The following ABTB3 variants were observed in gnomAD, a reference collection of about 807,000 sequenced individuals.
ABTB3 encodes the protein ankyrin repeat and BTB domain containing 3.
the ABTB3 span, among the ~76,000 whole-genome samples, chr12:107,535,748 T>A: frequency 9.2e-5 from 14 of 152,058 alleles, no homozygotes; most frequent in Non-Finnish European, 1.8e-4. Context: ...AAAACACTGA[T>A]GAAAGAATTG....
chr12:107,600,260 C>T, the ABTB3 span, among the ~76,000 whole-genome samples: 15 of 152,298 alleles, frequency 9.8e-5, no homozygotes, highest in South Asian at 2.1e-4. Context: ...GCAACCGATA[C>T]GCAACCTCGA....
At chr12:107,602,171 A>G in the ABTB3 span, among the ~76,000 whole-genome samples, 1 of 152,176 alleles carries the variant, frequency 6.6e-6, no homozygotes, top group Non-Finnish European at 1.5e-5. Flanking sequence ...TATTCCAGAA[A>G]CTGCATTCAT....
the ABTB3 span, among the ~76,000 whole-genome samples, chr12:107,364,998 C>T: frequency 2.0e-5 from 3 of 152,122 alleles, no homozygotes; most frequent in Non-Finnish European, 4.4e-5. Context: ...ACTCTGTACA[C>T]AGTACATAGC....
chr12:107,371,454 A>T, the ABTB3 span, among the ~76,000 whole-genome samples: 1 of 152,152 alleles, frequency 6.6e-6, no homozygotes, highest in African/African-American at 2.4e-5. Flanking sequence ...AGGGGCACTC[A>T]GTCCAGATGC....
the ABTB3 span, among the ~76,000 whole-genome samples, chr12:107,353,755 A>G: frequency 1.4e-4 from 21 of 152,286 alleles, no homozygotes; most frequent in Non-Finnish European, 5.9e-5. Flanking sequence ...ATCAGCGGCA[A>G]CATTGGATTC....
chr12:107,556,251 C>T, the ABTB3 span, among the ~76,000 whole-genome samples: 3 of 152,086 alleles, frequency 2.0e-5, no homozygotes, highest in African/African-American at 7.2e-5. Context: ...TGCACCACCA[C>T]ACCTAGCTAA....
the ABTB3 span, among the ~76,000 whole-genome samples, chr12:107,403,617 T>G: frequency 6.6e-6 from 1 of 152,146 alleles, no homozygotes; most frequent in Non-Finnish European, 1.5e-5. Context: ...ACCTTATCCT[T>G]GACAAAAGCT....
At chr12:107,446,273 G>A in the ABTB3 span, among the ~76,000 whole-genome samples, 6 of 152,138 alleles carry the variant, frequency 3.9e-5, no homozygotes, top group Admixed American at 3.9e-4. Context: ...AGTCTGGGTA[G>A]AACAAGGCCA....
chr12:107,518,925 C>A, the ABTB3 span, among the ~76,000 whole-genome samples: 3 of 152,206 alleles, frequency 2.0e-5, no homozygotes, highest in Non-Finnish European at 2.9e-5. Flanking sequence ...GATTTTGCAG[C>A]TATGTGTGTA....
the ABTB3 span, among the ~76,000 whole-genome samples, chr12:107,522,836 GGAAAAGAGGCA>G: frequency 6.6e-6 from 1 of 151,332 alleles, no homozygotes; most frequent in Non-Finnish European, 1.5e-5. Context: ...AAGGAGGGAG[GGAAAAGAGGCA>G]GAAAGATGCA....
At chr12:107,567,690 C>T in the ABTB3 span, among the ~76,000 whole-genome samples, 1 of 152,294 alleles carries the variant, frequency 6.6e-6, no homozygotes, top group South Asian at 2.1e-4. Context: ...AACATTACTC[C>T]GCCTCCTGTC....
At chr12:107,491,292 C>A in the ABTB3 span, among the ~76,000 whole-genome samples, 1 of 152,204 alleles carries the variant, frequency 6.6e-6, no homozygotes, top group South Asian at 2.1e-4. Flanking sequence ...GTTCCCCAGG[C>A]CTGCTCACAC....
the ABTB3 span, among the ~76,000 whole-genome samples, chr12:107,560,996 G>C: frequency 6.6e-6 from 1 of 152,220 alleles, no homozygotes; most frequent in Non-Finnish European, 1.5e-5. Context: ...GAGGAATTCG[G>C]TCAAGAGTTA....
At chr12:107,553,630 C>T in the ABTB3 span, among the ~76,000 whole-genome samples, 1 of 152,062 alleles carries the variant, frequency 6.6e-6, no homozygotes, top group African/African-American at 2.4e-5. Flanking sequence ...AGGACGTTCT[C>T]CTGTAGGCAG....
chr12:107,598,990 A>T, the ABTB3 span, among the ~76,000 whole-genome samples: 2 of 152,146 alleles, frequency 1.3e-5, no homozygotes, highest in South Asian at 4.1e-4. Flanking sequence ...ATCCCCCTTG[A>T]CACCATCCTC....
chr12:107,497,858 T>G, the ABTB3 span, among the ~76,000 whole-genome samples: 2 of 152,276 alleles, frequency 1.3e-5, no homozygotes, highest in East Asian at 3.9e-4. Context: ...CTCTCTGACC[T>G]CACTGGGAAG....
chr12:107,614,332 C>T, the ABTB3 span, among the ~76,000 whole-genome samples: 6 of 152,172 alleles, frequency 3.9e-5, no homozygotes, highest in Middle Eastern at 3.4e-3. Context: ...GCCCATATTT[C>T]GGTAGTGCAA....
the ABTB3 span, among the ~76,000 whole-genome samples, chr12:107,442,782 C>T: frequency 6.6e-6 from 1 of 152,190 alleles, no homozygotes. Context: ...CTCCTGGAAT[C>T]TTCTTTCCCA....
chr12:107,623,783 TG>T, the ABTB3 span, among the ~76,000 whole-genome samples: 2 of 152,208 alleles, frequency 1.3e-5, no homozygotes, highest in African/African-American at 4.8e-5. Flanking sequence ...TTTATCCTTC[TG>T]GAGCTTACTG....
Sources: allele counts gnomAD v4.1 joint callset (sites outside exome capture counted in the v4.1 genomes callset), GRCh38; gene constraint gnomAD v4.1.1; transcripts MANE v1.5; gene names NCBI Gene and HGNC (gene_info 2026-07-23, HGNC 2026-07-21).